GNG7: variants seen among roughly 807,000 people sequenced by gnomAD.
The protein encoded by GNG7 is G protein subunit gamma 7, also known as guanine nucleotide-binding protein G(I)/G(S)/G(O) subunit gamma-7.
Under a neutral mutation model 4.0 loss-of-function variants are expected in GNG7, and 1 was observed. The observed-to-expected ratio is 0.25, with a 90% CI of 0.09 to 1.18. The LOEUF (loss-of-function observed/expected upper bound fraction) is 1.18, where lower values mean the gene tolerates loss of function less well. Ranked by LOEUF, GNG7 falls within the 50% of genes most tolerant of loss-of-function variation. The probability of loss-of-function intolerance (pLI) is 0.50; values close to 1 mark genes in which losing one functional copy is unlikely to be tolerated. For synonymous variants in GNG7, 34 were observed against 36.9 expected (o/e 0.92, Z 0.29); for missense variants, 86 against 91.9 (o/e 0.94, Z 0.26).
intron 2 of GNG7, among the ~76,000 whole-genome samples, chr19:2,579,078 G>A (rs941492464): frequency 1.3e-5 from 2 of 152,332 alleles, no homozygotes; most frequent in Non-Finnish European, 2.9e-5. Context: ...GCTCGTCTCC[G>A]GCCCTGGCAG....
chr19:2,643,785 C>T, intron 2 of GNG7: 1 of 379,954 alleles, frequency 2.6e-6, no homozygotes, highest in Non-Finnish European at 5.2e-6. Context: ...GGTTGCCATT[C>T]ATTTCTACAG....
At chr19:2,570,984 T>TA (rs33983564) in intron 2 of GNG7, among the ~76,000 whole-genome samples, 1 of 151,154 alleles carries the variant, frequency 6.6e-6, no homozygotes, top group Non-Finnish European at 1.5e-5. Context: ...TTTTTTTTTT[T>TA]AGAGATGGGG....
chr19:2,570,596 G>T (rs1231384131), intron 2 of GNG7, among the ~76,000 whole-genome samples: 1 of 152,098 alleles, frequency 6.6e-6, no homozygotes, highest in African/African-American at 2.4e-5. Context: ...AAATCCCTAA[G>T]GACGCAGCCC....
chr19:2,657,341 AAAAAAAAAAAAAAAAAAAAAAT>A (rs1715301634), intron 1 of GNG7, among the ~76,000 whole-genome samples: 2 of 9,892 alleles, frequency 2.0e-4, no homozygotes, highest in Admixed American at 1.6e-3. Context: ...CTCAATTAAA[AAAAAAAAAAAAAAAAAAAAAAT>A]ATATATATAT....
chr19:2,529,758 G>C (rs1451885158), intron 3 of GNG7, among the ~76,000 whole-genome samples: 1 of 152,194 alleles, frequency 6.6e-6, no homozygotes, highest in Non-Finnish European at 1.5e-5. Context: ...TCAGGTTTCA[G>C]GGAGAGGTGA....
At chr19:2,643,253 G>T (rs927485677) in intron 2 of GNG7, 3 of 428,716 alleles carry the variant, frequency 7.0e-6, no homozygotes, top group Non-Finnish European at 1.4e-5. Context: ...GAGCCTCTCC[G>T]GGCTCTGCAC....
chr19:2,642,126 G>C (rs1982524946), intron 2 of GNG7: 1 of 158,330 alleles, frequency 6.3e-6, no homozygotes, highest in Non-Finnish European at 1.4e-5. Context: ...GGGGCTTAGT[G>C]GGCAGCCCCA....
intron 2 of GNG7, among the ~76,000 whole-genome samples, chr19:2,593,941 A>AAAAC (rs1342322463): frequency 6.6e-6 from 1 of 151,754 alleles, no homozygotes; most frequent in Non-Finnish European, 1.5e-5. Context: ...AAAAAAAAAA[A>AAAAC]AACTTTCTTA....
At chr19:2,674,849 C>CT (rs1372162630) in intron 1 of GNG7, among the ~76,000 whole-genome samples, 1 of 152,154 alleles carries the variant, frequency 6.6e-6, no homozygotes, top group African/African-American at 2.4e-5. Context: ...TTTCCACCCT[C>CT]GACAGCGCCG....
At chr19:2,661,455 T>A (rs1316142275) in intron 1 of GNG7, among the ~76,000 whole-genome samples, 1 of 151,642 alleles carries the variant, frequency 6.6e-6, no homozygotes, top group East Asian at 1.9e-4. Flanking sequence ...GATCAGGAAT[T>A]TGAGACCAGC....
chr19:2,662,651 A>G (rs529783331), intron 1 of GNG7, among the ~76,000 whole-genome samples: 8 of 152,342 alleles, frequency 5.3e-5, no homozygotes, highest in Middle Eastern at 3.4e-3. Flanking sequence ...CTTCCTTGGC[A>G]TGCTACCCTT....
chr19:2,534,598 T>C, intron 3 of GNG7, among the ~76,000 whole-genome samples: 1 of 152,260 alleles, frequency 6.6e-6, no homozygotes, highest in East Asian at 1.9e-4. Flanking sequence ...GAGGGGGCCA[T>C]GAGGGAGATG....
intron 2 of GNG7, among the ~76,000 whole-genome samples, chr19:2,616,276 G>A (rs967389601): frequency 6.6e-6 from 1 of 152,022 alleles, no homozygotes; most frequent in African/African-American, 2.4e-5. Flanking sequence ...CCGGAGTCTC[G>A]CTCTGCTGCC....
chr19:2,583,804 C>A lies in GNG7; in HGVS notation c.-77-28616G>T, dbSNP rs114080093. Reference sequence around the variant, plus strand: ...GAGATTAGTTCAGTAATCTGTGGTACAACCAAAAGATAAAACACTTAACAT... The same window carrying A: ...GAGATTAGTTCAGTAATCTGTGGTAAAACCAAAAGATAAAACACTTAACAT... On this transcript the variant is annotated intron_variant, in intron 2 of 4. Transcript: ENST00000382159. Among the ~76,000 whole-genome samples, 567 of 152,162 alleles carry A rather than the reference C, an allele frequency of 3.7e-3. 5 individuals carry two copies. The highest frequency in any genetic ancestry group is 0.013 in the African/African-American group (540 of 41,506).
At chr19:2,661,354 A>AAG (rs774201079) in intron 1 of GNG7, among the ~76,000 whole-genome samples, 1 of 147,470 alleles carries the variant, frequency 6.8e-6, no homozygotes, top group Non-Finnish European at 1.5e-5. Context: ...GAAAGAAAGA[A>AAG]AGAAAGAAAT....
intron 2 of GNG7, among the ~76,000 whole-genome samples, chr19:2,601,059 C>T (rs1273173675): frequency 1.3e-5 from 2 of 151,960 alleles, no homozygotes; most frequent in East Asian, 1.9e-4. Context: ...CGCTTGAGCC[C>T]GGGAGTTTGA....
intron 1 of GNG7, among the ~76,000 whole-genome samples, chr19:2,681,614 C>G (rs1029130229): frequency 9.2e-5 from 14 of 152,134 alleles, no homozygotes; most frequent in Non-Finnish European, 1.3e-4. Flanking sequence ...CTTTCACTTC[C>G]CTTAGGTGTA....
intron 1 of GNG7, among the ~76,000 whole-genome samples, chr19:2,687,174 C>G (rs1027728673): frequency 6.6e-6 from 1 of 152,038 alleles, no homozygotes; most frequent in Non-Finnish European, 1.5e-5. Flanking sequence ...CCTCCTGCCT[C>G]GGACTCCCGA....
rs1979581824 is a variant in GNG7, at chr19:2,557,198, C to T, written c.-77-2010G>A. 6.6e-6 allele frequency among the ~76,000 whole-genome samples: 1 copy of T among 151,802 alleles called. No homozygotes were observed. The highest frequency in any genetic ancestry group is 1.5e-5 in the Non-Finnish European group (1 of 67,968). ...CGTACACACAAGACACGTGCACACA[C>T]ATTTGCATGCACACACAGACACACA... On this transcript the variant is annotated intron_variant, in intron 2 of 4. Coordinates refer to ENST00000382159, the MANE Select transcript of GNG7 (RefSeq NM_052847.3). The surrounding 1 kb of genome is among the most constrained non-coding windows in gnomAD (Gnocchi z 5.1).
Sources: gnomAD v4.1 joint callset for allele counts (sites outside exome capture counted in the v4.1 genomes callset) on GRCh38, gnomAD v4.1.1 for gene constraint, Gnocchi (gnomAD v3.1) non-coding constraint, MANE v1.5 for transcripts, NCBI Gene and HGNC (gene_info 2026-07-23, HGNC 2026-07-21) for gene names.